Variants in COL4A6 observed in about 807,000 individuals in gnomAD.
The protein encoded by COL4A6 is collagen alpha-6(IV) chain.
Under a neutral mutation model 126.7 loss-of-function variants are expected in COL4A6, and 59 were observed. That is an observed-to-expected ratio of 0.47 (90% CI 0.38 to 0.58). COL4A6 has a LOEUF of 0.58. Ranked by LOEUF, COL4A6 falls within the 20% of genes least tolerant of loss-of-function variation. The pLI, the probability that COL4A6 is intolerant of heterozygous loss-of-function variation, is 0.00. For missense variants in COL4A6, 1,285 were observed against 1,337.3 expected (o/e 0.96, Z 0.61); for synonymous variants, 547 against 496.6 (o/e 1.10, Z -1.35).
chrX:108,165,859 C>G (rs112750170), intron 37 of COL4A6, among the ~76,000 whole-genome samples: 5 of 112,794 alleles, frequency 4.4e-5, no homozygotes, highest in African/African-American at 1.6e-4. Flanking sequence ...TGTCAAAAAA[C>G]ACCTCTTAAG....
chrX:108,360,368 A>G (rs2040056019), intron 2 of COL4A6, among the ~76,000 whole-genome samples: 2 of 111,710 alleles, frequency 1.8e-5, no homozygotes, highest in Non-Finnish European at 3.8e-5. Context: ...TATTTGGGAG[A>G]CAAGAATGAC....
At chrX:108,413,310 T>C (rs1274812958) in intron 2 of COL4A6, among the ~76,000 whole-genome samples, 1 of 111,865 alleles carries the variant, frequency 8.9e-6, no homozygotes, top group Non-Finnish European at 1.9e-5. Context: ...ATTTAGCCAA[T>C]GGATTGTCTG....
rs1042067 is a variant in COL4A6 at position 108,170,868 on chromosome X, G to C, written c.3327C>G (p.Asn1109Lys). 8 of 1,211,033 alleles carry C rather than the reference G, an allele frequency of 6.6e-6. No individual in the cohort carries two copies. The South Asian group carries it at 1.4e-4, about 21-fold the overall frequency. ...GLIGNIGFPG[N>K]KGEDGKVGVS... The stretch of plus-strand genomic sequence containing the variant: ...CACCAACTTTTCCATCTTCACCTTT[G>C]TTTCCAGGGAAGCCTATATTGCCTA... The change falls in exon 34 of 45, where the codon AAC becomes AAG. Residue 1109 changes from asparagine (N) to lysine (K), a missense_variant. By Grantham distance (94) the Asn-to-Lys change is moderately conservative. Coordinates refer to ENST00000334504, the MANE Select transcript of COL4A6 (RefSeq NM_033641.4).
chrX:108,195,204 A>G, intron 14 of COL4A6, 78 bp from the exon 15 acceptor site: 1 of 783,516 alleles, frequency 1.3e-6, no homozygotes, highest in South Asian at 2.4e-5. Flanking sequence ...TAACAAAGTT[A>G]TCCAACTGAG....
At chrX:108,215,803 C>T (rs2035843860) in intron 5 of COL4A6, among the ~76,000 whole-genome samples, 1 of 111,225 alleles carries the variant, frequency 9.0e-6, no homozygotes, top group Non-Finnish European at 1.9e-5. Context: ...CTAGGGGTAG[C>T]TTTGAGTTAG....
At chrX:108,414,638 A>G (rs1036778516) in intron 2 of COL4A6, among the ~76,000 whole-genome samples, 3 of 76,108 alleles carry the variant, frequency 3.9e-5, no homozygotes, top group Admixed American at 2.6e-4. Context: ...AAAAAAAAAG[A>G]AGAAGAAGCT....
intron 2 of COL4A6, among the ~76,000 whole-genome samples, chrX:108,353,047 G>A (rs1454012702): frequency 8.9e-6 from 1 of 112,185 alleles, no homozygotes; most frequent in African/African-American, 3.2e-5. Context: ...TGATGGTGAA[G>A]GCAACGCCAG....
intron 2 of COL4A6, 54 bp downstream of exon 2, chrX:108,437,888 A>T: frequency 8.5e-7 from 1 of 1,174,099 alleles, no homozygotes; most frequent in Non-Finnish European, 1.2e-6. Flanking sequence ...AGAGATGGGG[A>T]TGGTTAGAGG....
chrX:108,415,808 T>C (rs2041423171), intron 2 of COL4A6, among the ~76,000 whole-genome samples: 1 of 112,284 alleles, frequency 8.9e-6, no homozygotes. Flanking sequence ...AGCTGCATAC[T>C]GAAGATAAGG....
Position 108,230,618 on chromosome X carries a change from A to C in COL4A6, c.145-9244T>G, listed in dbSNP as rs187950504. Among the ~76,000 whole-genome samples, 50 of 112,270 alleles carry C rather than the reference A, an allele frequency of 4.5e-4. 1 individual carries two copies. Among genetic ancestry groups the C allele is most frequent in the African/African-American group, 1.4e-3 (43 of 30,904 alleles). ...GAAATGTGGTAAGAAAGATACTAAT[A>C]ATAACACCCCCATGAGTAGAATACT... On this transcript the variant is annotated intron_variant, in intron 3 of 44. Coordinates refer to ENST00000334504, the MANE Select transcript of COL4A6 (RefSeq NM_033641.4).
At position 108,330,099 on chromosome X, in the gene COL4A6, T is replaced by C. The variant is rs756549062; in HGVS notation, c.64-19271A>G. Among the ~76,000 whole-genome samples, 4 of 111,125 alleles carry C rather than the reference T, an allele frequency of 3.6e-5. No homozygotes were observed. In the South Asian group the frequency reaches 1.5e-3, roughly 42 times the overall value. ...TGGAAGACAGATTTGGGATAGAACG[T>C]AGAATTATGCAAGGATGAGTTTGTG... On this transcript the variant is annotated intron_variant, in intron 2 of 44. Coordinates refer to ENST00000334504, the MANE Select transcript of COL4A6 (RefSeq NM_033641.4).
chrX:108,423,259 T>A (rs2064015585), intron 2 of COL4A6, among the ~76,000 whole-genome samples: 2 of 112,016 alleles, frequency 1.8e-5, no homozygotes, highest in Admixed American at 9.5e-5. Flanking sequence ...ACCAGTTAAA[T>A]GTGAGAAACA....
chrX:108,411,422 T>A (rs749065387), intron 2 of COL4A6, among the ~76,000 whole-genome samples: 1 of 111,723 alleles, frequency 9.0e-6, no homozygotes, highest in African/African-American at 3.3e-5. Context: ...ATTTTCAAGG[T>A]GTGTGGGGCC....
At chrX:108,432,556 C>A (rs747538795) in intron 2 of COL4A6, among the ~76,000 whole-genome samples, 13 of 112,114 alleles carry the variant, frequency 1.2e-4, no homozygotes, top group Non-Finnish European at 1.9e-4. Flanking sequence ...CAAGAGGAGG[C>A]CGGGTGCGGT....
chrX:108,236,279 G>A (rs1444477580), intron 3 of COL4A6, among the ~76,000 whole-genome samples: 1 of 111,522 alleles, frequency 9.0e-6, no homozygotes, highest in Non-Finnish European at 1.9e-5. Context: ...ACAAAGGCAG[G>A]TATCTTTGTT....
chrX:108,380,187 C>A (rs1421642627), intron 2 of COL4A6, among the ~76,000 whole-genome samples: 2 of 112,320 alleles, frequency 1.8e-5, no homozygotes, highest in Non-Finnish European at 3.8e-5. Context: ...TTAATTAACA[C>A]AAACTAAATT....
At chrX:108,392,687 C>T (rs773025183) in intron 2 of COL4A6, among the ~76,000 whole-genome samples, 1 of 111,204 alleles carries the variant, frequency 9.0e-6, no homozygotes, top group Admixed American at 9.6e-5. Context: ...TTAGGGCCTT[C>T]AGGAGGTGAT....
chrX:108,215,431 C>T (rs1176398424), intron 5 of COL4A6, among the ~76,000 whole-genome samples: 1 of 111,515 alleles, frequency 9.0e-6, no homozygotes, highest in Non-Finnish European at 1.9e-5. Flanking sequence ...ATGCAGCTCA[C>T]TAAAGTTTGC....
At chrX:108,361,786 A>T (rs1305381930) in intron 2 of COL4A6, among the ~76,000 whole-genome samples, 1 of 111,887 alleles carries the variant, frequency 8.9e-6, no homozygotes, top group African/African-American at 3.3e-5. Context: ...TTGAGATAAA[A>T]GGAGTCATAA....
Sources: gnomAD v4.1 joint callset for allele counts (sites outside exome capture counted in the v4.1 genomes callset) on GRCh38, gnomAD v4.1.1 for gene constraint, MANE v1.5 for transcripts, NCBI Gene and HGNC (gene_info 2026-07-23, HGNC 2026-07-21) for gene names.